MAML3: variants seen among roughly 807,000 people sequenced by gnomAD.
The protein encoded by MAML3 is mastermind-like protein 3.
Under a neutral mutation model 101.9 loss-of-function variants are expected in MAML3, and 27 were observed. That is an observed-to-expected ratio of 0.27 (90% CI 0.20 to 0.37). The LOEUF (loss-of-function observed/expected upper bound fraction) is 0.37, where lower values mean the gene tolerates loss of function less well. Among genes scored for constraint, MAML3 ranks in the 10% least tolerant of loss-of-function variants. The probability of loss-of-function intolerance (pLI) is 1.00; values close to 1 mark genes in which losing one functional copy is unlikely to be tolerated. For missense variants in MAML3, 1,316 were observed against 1,444.9 expected, an observed-to-expected ratio of 0.91 and a Z score of 1.45; for synonymous variants, 501 against 555.9, an observed-to-expected ratio of 0.90 and a Z score of 1.39.
intron 1 of MAML3, among the ~76,000 whole-genome samples, chr4:139,967,805 A>C (rs1734163774): frequency 1.3e-5 from 2 of 151,802 alleles, no homozygotes; most frequent in Non-Finnish European, 1.5e-5. Flanking sequence ...TTCAGATCTC[A>C]CTCTGTATTG....
At chr4:139,758,954 T>A (rs1230703639) in intron 2 of MAML3, among the ~76,000 whole-genome samples, 2 of 152,254 alleles carry the variant, frequency 1.3e-5, no homozygotes, top group East Asian at 3.8e-4. Flanking sequence ...TTGATGAGAA[T>A]CTACAAGACA....
chr4:139,999,673 C>T (rs1159316729), intron 1 of MAML3, among the ~76,000 whole-genome samples: 1 of 152,156 alleles, frequency 6.6e-6, no homozygotes, highest in African/African-American at 2.4e-5. Context: ...TTATTGACAT[C>T]CCATCCAATA....
chr4:139,925,089 T>G (rs1296229760), intron 1 of MAML3, among the ~76,000 whole-genome samples: 1 of 152,134 alleles, frequency 6.6e-6, no homozygotes, highest in Admixed American at 6.5e-5. Flanking sequence ...AAAAGTGAGT[T>G]GAGCACAAAC....
At chr4:139,978,130 C>T (rs1734379635) in intron 1 of MAML3, among the ~76,000 whole-genome samples, 1 of 152,144 alleles carries the variant, frequency 6.6e-6, no homozygotes, top group Non-Finnish European at 1.5e-5. Flanking sequence ...CTCCATCCCT[C>T]AGGTCTGTGC....
intron 1 of MAML3, among the ~76,000 whole-genome samples, chr4:140,122,149 A>ATT (rs34963740): frequency 0.25 from 37,020 of 148,926 alleles, 5,458 homozygotes; most frequent in East Asian, 0.42. Flanking sequence ...ATTTTGAGTG[A>ATT]TTTTTTTTGA....
At chr4:139,905,218 C>T (rs186884955) in intron 1 of MAML3, among the ~76,000 whole-genome samples, 53 of 152,270 alleles carry the variant, frequency 3.5e-4, no homozygotes, top group African/African-American at 1.0e-3. Flanking sequence ...TAGGGCTGGG[C>T]GCAGTGGCTC....
chr4:140,047,267 G>C (rs1022363618), intron 1 of MAML3, among the ~76,000 whole-genome samples: 2 of 152,170 alleles, frequency 1.3e-5, no homozygotes, highest in Admixed American at 1.3e-4. Flanking sequence ...GCAGATTTGG[G>C]GGGAACGCAC....
intron 2 of MAML3, among the ~76,000 whole-genome samples, chr4:139,884,941 A>C (rs1036190501): frequency 2.0e-5 from 3 of 152,232 alleles, no homozygotes; most frequent in Admixed American, 6.5e-5. Flanking sequence ...AGAGAGAGAG[A>C]TCCTGCCCTT....
At chr4:140,060,365 CAAAA>C (rs70943471) in intron 1 of MAML3, among the ~76,000 whole-genome samples, 4 of 19,126 alleles carry the variant, frequency 2.1e-4, no homozygotes, top group Non-Finnish European at 3.7e-4. Context: ...GACTCTGTCT[CAAAA>C]AAAAAAAAAA....
At chr4:140,133,626 G>A (rs1728833794) in intron 1 of MAML3, among the ~76,000 whole-genome samples, 1 of 152,074 alleles carries the variant, frequency 6.6e-6, no homozygotes, top group African/African-American at 2.4e-5. Flanking sequence ...CATAACCGTG[G>A]AAGATTATAT....
intron 2 of MAML3, among the ~76,000 whole-genome samples, chr4:139,774,942 G>A (rs1034519099): frequency 6.6e-6 from 1 of 152,136 alleles, no homozygotes; most frequent in African/African-American, 2.4e-5. Context: ...GGTGCAATTT[G>A]ATAGCTACAC....
chr4:139,723,049 G>C (rs1193695623), intron 4 of MAML3, among the ~76,000 whole-genome samples: 1 of 152,222 alleles, frequency 6.6e-6, no homozygotes, highest in Non-Finnish European at 1.5e-5. Context: ...CCCCAAAGGT[G>C]AATTCTCTCT....
At chr4:140,065,762 T>C (rs1578666640) in intron 1 of MAML3, among the ~76,000 whole-genome samples, 1 of 152,176 alleles carries the variant, frequency 6.6e-6, no homozygotes, top group Non-Finnish European at 1.5e-5. Context: ...TATAGACCAA[T>C]TGAATCCATG....
intron 2 of MAML3, among the ~76,000 whole-genome samples, chr4:139,803,421 C>A (rs1490449361): frequency 1.3e-5 from 2 of 152,086 alleles, no homozygotes; most frequent in African/African-American, 4.8e-5. Flanking sequence ...AAACAGAACC[C>A]CTATTATGAA....
At chr4:139,999,497 T>C (rs115113485) in intron 1 of MAML3, among the ~76,000 whole-genome samples, 194 of 152,376 alleles carry the variant, frequency 1.3e-3, no homozygotes, top group African/African-American at 4.5e-3. Context: ...TATGCCTTAT[T>C]CAATTTCCAA....
At chr4:139,912,016 G>A (rs1732934510) in intron 1 of MAML3, among the ~76,000 whole-genome samples, 2 of 152,196 alleles carry the variant, frequency 1.3e-5, no homozygotes, top group African/African-American at 4.8e-5. Context: ...ATGCATGTGG[G>A]TATACAAATA....
chr4:139,876,908 C>A (rs1304173592), intron 2 of MAML3, among the ~76,000 whole-genome samples: 2 of 152,220 alleles, frequency 1.3e-5, no homozygotes, highest in Admixed American at 1.3e-4. Context: ...TGAAAGTACT[C>A]CTGGCCTAGC....
At chr4:139,838,458 C>T (rs1438766615) in intron 2 of MAML3, among the ~76,000 whole-genome samples, 1 of 152,096 alleles carries the variant, frequency 6.6e-6, no homozygotes, top group Non-Finnish European at 1.5e-5. Flanking sequence ...TTGCTCAATT[C>T]ATCTTTTTCT....
intron 1 of MAML3, among the ~76,000 whole-genome samples, chr4:139,967,469 G>GACACACACAA (rs1337503853): frequency 5.7e-5 from 8 of 141,464 alleles, no homozygotes; most frequent in Non-Finnish European, 7.7e-5. Context: ...CTTTTTAAGG[G>GACACACACAA]ACACACACAC....
Sources: allele counts gnomAD v4.1 joint callset (sites outside exome capture counted in the v4.1 genomes callset), GRCh38; gene constraint gnomAD v4.1.1; transcripts MANE v1.5; gene names NCBI Gene and HGNC (gene_info 2026-07-23, HGNC 2026-07-21).